Variants in CORIN observed in about 807,000 individuals in gnomAD.
The protein encoded by CORIN is atrial natriuretic peptide-converting enzyme.
In CORIN, 117 loss-of-function variants were observed where a neutral mutation model predicts 125.3. The ratio of observed to expected loss-of-function variants is 0.93; its 90% CI spans 0.80 to 1.09. The LOEUF is 1.09. Ranked by LOEUF, CORIN falls within the 50% of genes least tolerant of loss-of-function variation. The probability of loss-of-function intolerance (pLI) is 0.00; values close to 1 mark genes in which losing one functional copy is unlikely to be tolerated. For synonymous variants in CORIN, 450 were observed against 466.4 expected, an observed-to-expected ratio of 0.96 and a Z score of 0.45; for missense variants, 1,253 against 1,306.7, an observed-to-expected ratio of 0.96 and a Z score of 0.63.
chr4:47,765,635 T>C (rs913955685), intron 3 of CORIN, among the ~76,000 whole-genome samples: 1 of 152,288 alleles, frequency 6.6e-6, no homozygotes, highest in South Asian at 2.1e-4. Flanking sequence ...TCGCCAACAA[T>C]GTATGAGGAT....
chr4:47,766,790 A>G (rs567843169), intron 3 of CORIN, among the ~76,000 whole-genome samples: 30 of 152,016 alleles, frequency 2.0e-4, no homozygotes, highest in African/African-American at 6.3e-4. Context: ...TAGTAAAAAT[A>G]CAAAAATTAG....
intron 5 of CORIN, among the ~76,000 whole-genome samples, chr4:47,732,896 C>T (rs1251094087): frequency 6.6e-6 from 1 of 152,014 alleles, no homozygotes; most frequent in Non-Finnish European, 1.5e-5. Context: ...GTTTCCCTTC[C>T]CACTCCCGTG....
chr4:47,660,722 T>C (rs1268239251), intron 12 of CORIN, among the ~76,000 whole-genome samples: 2 of 152,182 alleles, frequency 1.3e-5, no homozygotes, highest in Admixed American at 6.5e-5. Flanking sequence ...TCACCCACTA[T>C]TGGTGAGAAT....
chr4:47,600,786 G>T (rs1333200247), intron 20 of CORIN, among the ~76,000 whole-genome samples: 2 of 152,172 alleles, frequency 1.3e-5, no homozygotes, highest in Admixed American at 1.3e-4. Flanking sequence ...AACAGGGAAG[G>T]GTTGTCCTAT....
chr4:47,778,389 A>G (rs1730390647), intron 3 of CORIN, among the ~76,000 whole-genome samples: 1 of 152,200 alleles, frequency 6.6e-6, no homozygotes, highest in Non-Finnish European at 1.5e-5. Context: ...TACCCAAAGG[A>G]GAGTGAAACA....
At chr4:47,618,125 AG>A (rs1465458394) in intron 19 of CORIN, among the ~76,000 whole-genome samples, 10 of 151,658 alleles carry the variant, frequency 6.6e-5, no homozygotes, top group Admixed American at 6.6e-4. Context: ...ACTTGAGGTC[AG>A]GAGTTCGAGA....
chr4:47,634,494 C>T (rs113840508), intron 16 of CORIN, among the ~76,000 whole-genome samples: 27 of 152,154 alleles, frequency 1.8e-4, no homozygotes, highest in African/African-American at 6.3e-4. Flanking sequence ...ATTAGCCAGG[C>T]ATGGTGGTGA....
Position 47,674,236 on chromosome 4 carries a change from T to C in CORIN, c.1357+157A>G, listed in dbSNP as rs183459330. On this transcript the variant is annotated intron_variant, in intron 10 of 21. Coordinates refer to ENST00000273857, the MANE Select transcript of CORIN (RefSeq NM_006587.4). ...AAGTTAATTAAGACCATTTGGTTTCTTTACTGCTACCACATGCGACCTTTT... is the reference window on the plus strand; with the variant it reads ...AAGTTAATTAAGACCATTTGGTTTCCTTACTGCTACCACATGCGACCTTTT... Among the ~76,000 whole-genome samples the C allele has an allele frequency of 1.9e-3, 289 of 152,348 alleles. No individual in the cohort carries two copies. Among genetic ancestry groups the C allele is most frequent in the South Asian group, 3.1e-3 (15 of 4,830 alleles).
At chr4:47,732,109 G>C (rs1344091542) in intron 5 of CORIN, among the ~76,000 whole-genome samples, 1 of 152,130 alleles carries the variant, frequency 6.6e-6, no homozygotes, top group Admixed American at 6.5e-5. Flanking sequence ...AAGCAAATAT[G>C]AGATTTCCCA....
intron 8 of CORIN, 176 bp downstream of exon 8, chr4:47,679,965 T>C (rs1198425394): frequency 3.8e-5 from 19 of 505,386 alleles, no homozygotes; most frequent in Non-Finnish European, 6.4e-5. Context: ...ATACACTCCA[T>C]TGCTATTGTC....
At chr4:47,608,997 T>C (rs1415236326) in intron 19 of CORIN, among the ~76,000 whole-genome samples, 1 of 139,330 alleles carries the variant, frequency 7.2e-6, no homozygotes, top group Non-Finnish European at 1.6e-5. Flanking sequence ...ATATCTTATA[T>C]TTAATATTTT....
At chr4:47,675,731 AT>A (rs1724985657) in intron 9 of CORIN, among the ~76,000 whole-genome samples, 1 of 152,008 alleles carries the variant, frequency 6.6e-6, no homozygotes, top group Non-Finnish European at 1.5e-5. Context: ...AGACATATTT[AT>A]TTTTACTTAT....
chr4:47,702,598 C>T (rs16860618), intron 5 of CORIN, among the ~76,000 whole-genome samples: 2,422 of 152,214 alleles, frequency 0.016, 74 homozygotes, highest in African/African-American at 0.055. Context: ...GGACTTCATT[C>T]CAACTCTAAC....
At chr4:47,747,972 T>C (rs189068487) in intron 4 of CORIN, among the ~76,000 whole-genome samples, 20 of 152,342 alleles carry the variant, frequency 1.3e-4, no homozygotes, top group Admixed American at 3.9e-4. Context: ...AGATTTGTTC[T>C]GGGAATATAT....
At chr4:47,633,845 T>G (rs1722927258) in intron 16 of CORIN, among the ~76,000 whole-genome samples, 1 of 152,142 alleles carries the variant, frequency 6.6e-6, no homozygotes, top group Non-Finnish European at 1.5e-5. Flanking sequence ...CTAACACAAG[T>G]CTTGCTTTGT....
At chr4:47,771,791 AT>A (rs1356623688) in intron 3 of CORIN, among the ~76,000 whole-genome samples, 1 of 152,200 alleles carries the variant, frequency 6.6e-6, no homozygotes, top group African/African-American at 2.4e-5. Context: ...CAAAAGATGC[AT>A]TTTCTTAATG....
At chr4:47,752,942 G>A (rs530971844) in intron 4 of CORIN, among the ~76,000 whole-genome samples, 9 of 151,668 alleles carry the variant, frequency 5.9e-5, no homozygotes, top group Non-Finnish European at 8.8e-5. Flanking sequence ...CCATGAATAC[G>A]GATATTCAAA....
intron 7 of CORIN, chr4:47,681,074 C>T (rs544398492): frequency 2.0e-5 from 3 of 152,284 alleles, no homozygotes; most frequent in African/African-American, 7.2e-5. Context: ...CCATAGGATG[C>T]TTTGCCATGA....
chr4:47,763,196 C>T (rs1729549706), intron 4 of CORIN, among the ~76,000 whole-genome samples, 183 bp downstream of exon 4: 1 of 152,080 alleles, frequency 6.6e-6, no homozygotes, highest in South Asian at 2.1e-4. Flanking sequence ...ATAATTTTTT[C>T]CCATAAATAA....
Sources: allele counts gnomAD v4.1 joint callset (sites outside exome capture counted in the v4.1 genomes callset), GRCh38; gene constraint gnomAD v4.1.1; transcripts MANE v1.5; gene names NCBI Gene and HGNC (gene_info 2026-07-23, HGNC 2026-07-21).